Variants in SLCO1B3 observed in about 807,000 individuals in gnomAD.
SLCO1B3 encodes liver-specific organic anion transporter 2.
A neutral mutation model predicts 71.8 loss-of-function variants in SLCO1B3; 72 were observed. The ratio of observed to expected loss-of-function variants is 1.00; its 90% CI spans 0.83 to 1.22. SLCO1B3 has a LOEUF of 1.22. Among genes scored for constraint, SLCO1B3 ranks in the 50% most tolerant of loss-of-function variants. SLCO1B3 has a pLI of 0.00. For synonymous variants in SLCO1B3, 298 were observed against 278.4 expected (o/e 1.07, Z -0.70); for missense variants, 911 against 819.7 (o/e 1.11, Z -1.36).
chr12:20,842,503 T>A (rs113500916), intron 3 of SLCO1B3, among the ~76,000 whole-genome samples: 25 of 17,388 alleles, frequency 1.4e-3, no homozygotes, highest in South Asian at 0.024. Flanking sequence ...CAGCTACAAG[T>A]TTTTTTTTAA....
chr12:20,899,228 A>G (rs1263122009), intron 14 of SLCO1B3, among the ~76,000 whole-genome samples: 3 of 152,210 alleles, frequency 2.0e-5, no homozygotes, highest in Admixed American at 6.5e-5. Flanking sequence ...TTTTTACTGC[A>G]CAGATACTTG....
chr12:20,855,247 C>T, intron 4 of SLCO1B3, 78 bp downstream of exon 4: 6 of 1,249,528 alleles, frequency 4.8e-6, no homozygotes, highest in Non-Finnish European at 6.8e-6. Context: ...CTTTATATCA[C>T]TGGGTCTGGA....
chr12:20,840,466 A>G (rs1051407988), intron 3 of SLCO1B3, among the ~76,000 whole-genome samples: 1 of 148,944 alleles, frequency 6.7e-6, no homozygotes, highest in Non-Finnish European at 1.5e-5. Context: ...ATCTTAGCTC[A>G]CTACAGCCTC....
At chr12:20,885,198 T>G (rs1156969272) in intron 13 of SLCO1B3, among the ~76,000 whole-genome samples, 2 of 152,142 alleles carry the variant, frequency 1.3e-5, no homozygotes, top group African/African-American at 2.4e-5. Context: ...TGATTTCCTT[T>G]GAAGAAAAGT....
chr12:20,814,840 T>C (rs1864162790), intron 2 of SLCO1B3, among the ~76,000 whole-genome samples: 1 of 151,226 alleles, frequency 6.6e-6, no homozygotes, highest in Non-Finnish European at 1.5e-5. Flanking sequence ...GAGCTTACAG[T>C]GAGCCGAGAT....
chr12:20,877,449 T>G (rs866725731), intron 9 of SLCO1B3, among the ~76,000 whole-genome samples: 3 of 152,122 alleles, frequency 2.0e-5, no homozygotes, highest in Non-Finnish European at 2.9e-5. Flanking sequence ...CAATGAGAAC[T>G]GTTCAAAAGT....
chr12:20,905,072 T>A (rs1866214523), intron 15 of SLCO1B3, among the ~76,000 whole-genome samples: 1 of 152,140 alleles, frequency 6.6e-6, no homozygotes. Flanking sequence ...CCCAACACCA[T>A]GTGAAAGGCA....
chr12:20,877,639 G>T, intron 9 of SLCO1B3, 133 bp from the exon 10 acceptor site: 1 of 350,008 alleles, frequency 2.9e-6, no homozygotes, highest in Non-Finnish European at 4.8e-6. Flanking sequence ...TTTATTTTGA[G>T]CAAAGGTCGC....
chr12:20,889,846 G>A lies in SLCO1B3; in HGVS notation c.1682+6244G>A, dbSNP rs187229294. Among the ~76,000 whole-genome samples the A allele has an allele frequency of 1.1e-3, 166 of 151,600 alleles. 1 individual carries two copies. Among genetic ancestry groups the A allele is most frequent in the Non-Finnish European group, 5.9e-5 (4 of 67,886 alleles). ...TTTAATGCTACAAACTTCCCTCTTG[G>A]CACTGATTTGTTGTATCTCAGAGGT... On this transcript the variant is annotated intron_variant, in intron 13 of 15. Transcript: ENST00000381545.
At chr12:20,816,006 GTTAT>G (rs1864186042) in intron 3 of SLCO1B3, among the ~76,000 whole-genome samples, 184 bp downstream of exon 3, 5 of 152,126 alleles carry the variant, frequency 3.3e-5, no homozygotes, top group Admixed American at 3.3e-4. Context: ...TCTGATTGAA[GTTAT>G]TTCTTTGCTA....
At chr12:20,858,374 C>A in intron 4 of SLCO1B3, 65 bp from the exon 5 acceptor site, 1 of 1,143,590 alleles carries the variant, frequency 8.7e-7, no homozygotes, top group South Asian at 1.4e-5. Flanking sequence ...TCATTTGGGG[C>A]ATTCAGTTCT....
At chr12:20,875,042 A>T (rs1244302277) in intron 8 of SLCO1B3, among the ~76,000 whole-genome samples, 193 bp from the exon 9 acceptor site, 2 of 152,212 alleles carry the variant, frequency 1.3e-5, no homozygotes, top group Non-Finnish European at 2.9e-5. Flanking sequence ...GACAATAGCA[A>T]TTGCAAGATG....
Position 20,861,097 on chromosome 12 carries a change from C to A in SLCO1B3, c.440C>A (p.Thr147Asn). ...TTATCAACCTGTTTAATTAATCAAA[C>A]CTTATCATTCAATGGAACATCACCT... ...SSLSTCLINQ[T>N]LSFNGTSPEI... Residue 147 changes from threonine to asparagine, a missense_variant, in exon 6 of 16, where the codon ACC becomes AAC. Thr to Asn is a moderately conservative substitution (Grantham distance 65, BLOSUM62 0). Transcript: ENST00000381545. The A allele has an allele frequency of 6.2e-7, 1 of 1,601,058 alleles. No individual in the cohort carries two copies. The highest frequency in any genetic ancestry group is 1.1e-5 in the South Asian group (1 of 88,524).
intron 3 of SLCO1B3, among the ~76,000 whole-genome samples, chr12:20,832,378 T>G (rs1237804066): frequency 6.6e-6 from 1 of 152,210 alleles, no homozygotes; most frequent in Non-Finnish European, 1.5e-5. Context: ...TTGAACCAAC[T>G]GTGTTACACA....
intron 8 of SLCO1B3, among the ~76,000 whole-genome samples, chr12:20,869,196 C>T (rs61922161): frequency 1.7e-3 from 29 of 17,004 alleles, no homozygotes; most frequent in South Asian, 0.013. Flanking sequence ...CTTGACACTT[C>T]TTGCTACCGC....
chr12:20,913,478 G>A (rs1035716727), intron 15 of SLCO1B3, among the ~76,000 whole-genome samples: 2 of 152,028 alleles, frequency 1.3e-5, no homozygotes, highest in African/African-American at 4.8e-5. Flanking sequence ...ATGCTTACAT[G>A]TTAAGTATTG....
intron 15 of SLCO1B3, among the ~76,000 whole-genome samples, chr12:20,910,946 A>C (rs959746741): frequency 6.6e-6 from 1 of 150,428 alleles, no homozygotes; most frequent in African/African-American, 2.4e-5. Flanking sequence ...TTCCCTTTTG[A>C]CTTTTTTTTT....
intron 3 of SLCO1B3, among the ~76,000 whole-genome samples, chr12:20,847,130 C>A (rs74065260): frequency 6.6e-6 from 1 of 152,110 alleles, no homozygotes; most frequent in African/African-American, 2.4e-5. Context: ...GGGTAGTAGA[C>A]TCACTTGTAA....
At chr12:20,913,760 G>A (rs1031538150) in intron 15 of SLCO1B3, among the ~76,000 whole-genome samples, 1 of 151,944 alleles carries the variant, frequency 6.6e-6, no homozygotes, top group Non-Finnish European at 1.5e-5. Flanking sequence ...CAATCTTATT[G>A]TTATCTTTTG....
Sources: gnomAD v4.1 joint callset for allele counts (sites outside exome capture counted in the v4.1 genomes callset) on GRCh38, gnomAD v4.1.1 for gene constraint, MANE v1.5 for transcripts, NCBI Gene and HGNC (gene_info 2026-07-23, HGNC 2026-07-21) for gene names.